Variants in RAPGEF1 observed in about 807,000 individuals in gnomAD.
The protein encoded by RAPGEF1 is CRK SH3-binding GNRP.
Under a neutral mutation model 143.3 loss-of-function variants are expected in RAPGEF1, and 33 were observed. That is an observed-to-expected ratio of 0.23 (90% CI 0.17 to 0.31). The LOEUF (loss-of-function observed/expected upper bound fraction) is 0.31, where lower values mean the gene tolerates loss of function less well. Among genes scored for constraint, RAPGEF1 ranks in the 10% least tolerant of loss-of-function variants. The probability of loss-of-function intolerance (pLI) is 1.00; values close to 1 mark genes in which losing one functional copy is unlikely to be tolerated. For missense variants in RAPGEF1, 1,199 were observed against 1,645.4 expected (o/e 0.73, Z 4.69); for synonymous variants, 629 against 676.5 (o/e 0.93, Z 1.09).
chr9:131,605,946 T>G (rs1055729833), intron 12 of RAPGEF1, among the ~76,000 whole-genome samples: 4 of 151,854 alleles, frequency 2.6e-5, no homozygotes, highest in African/African-American at 7.3e-5. Context: ...TGGTGGTGAG[T>G]GCCTGCAGTT....
At chr9:131,676,239 G>A (rs1004623237) in intron 1 of RAPGEF1, among the ~76,000 whole-genome samples, 6 of 152,172 alleles carry the variant, frequency 3.9e-5, no homozygotes, top group Non-Finnish European at 5.9e-5. Flanking sequence ...ATGGGCAGCC[G>A]CTGGGGGTTC....
rs187328952 is a variant in RAPGEF1, at chr9:131,627,485, C to T, written c.1201+428G>A. ...CTCTAAGCCCCCTGCCCAGCAGACT[C>T]GGAGGGGCCCGCACAGTACACATTC... On this transcript the variant is annotated intron_variant, in intron 9 of 26. Coordinates refer to ENST00000683357, the MANE Select transcript of RAPGEF1 (RefSeq NM_001377935.1). Among the ~76,000 whole-genome samples the T allele has an allele frequency of 2.0e-3, 300 of 152,268 alleles. 2 individuals carry two copies. The highest frequency in any genetic ancestry group is 6.8e-3 in the African/African-American group (283 of 41,560).
intron 1 of RAPGEF1, among the ~76,000 whole-genome samples, chr9:131,659,882 G>A (rs1252185681): frequency 1.3e-5 from 2 of 152,044 alleles, no homozygotes; most frequent in Admixed American, 6.5e-5. Context: ...GCAGTGGCGT[G>A]ATCTCGGCTC....
chr9:131,724,784 C>CA (rs1460768566), intron 1 of RAPGEF1, among the ~76,000 whole-genome samples: 2 of 152,276 alleles, frequency 1.3e-5, no homozygotes, highest in African/African-American at 4.8e-5. Context: ...CAAGGTCCCC[C>CA]CTAAAGATCT....
chr9:131,620,112 G>A (rs1293011686), intron 11 of RAPGEF1, among the ~76,000 whole-genome samples: 2 of 152,168 alleles, frequency 1.3e-5, no homozygotes, highest in Non-Finnish European at 2.9e-5. Flanking sequence ...GGCTGAGCTC[G>A]CCACTGCCCT....
At chr9:131,682,340 C>A (rs1315687887) in intron 1 of RAPGEF1, among the ~76,000 whole-genome samples, 1 of 152,214 alleles carries the variant, frequency 6.6e-6, no homozygotes, top group Non-Finnish European at 1.5e-5. Context: ...CCGTCCCGGG[C>A]CCCGTTCTAA....
Position 131,626,181 on chromosome 9 carries a change from T to C in RAPGEF1, c.1443A>G (p.Ala481=). Reference sequence around the variant, plus strand: ...CAGAGCCGTCCGCCGTCTGGGAGGCTGCGCTCCTGCGCTTCTTCTCGGGGA... The same window carrying C: ...CAGAGCCGTCCGCCGTCTGGGAGGCCGCGCTCCTGCGCTTCTTCTCGGGGA... ...PALPEKKRRS[A]ASQTADGSGC... Residue 481 remains alanine (A), a synonymous_variant, in exon 10 of 27, where the codon GCA becomes GCG. Transcript: ENST00000683357. 1.2e-6 allele frequency: 2 copies of C among 1,613,836 alleles called. No individual in the cohort carries two copies. The highest frequency in any genetic ancestry group is 2.2e-5 in the South Asian group (2 of 91,066).
intron 10 of RAPGEF1, among the ~76,000 whole-genome samples, chr9:131,624,989 G>A (rs111664017): frequency 7.5e-4 from 115 of 152,366 alleles, no homozygotes; most frequent in African/African-American, 2.5e-3. Context: ...ACTGAACCAA[G>A]CCAGGTCTTC....
chr9:131,632,750 T>A (rs1564580348), intron 5 of RAPGEF1, among the ~76,000 whole-genome samples: 1 of 152,228 alleles, frequency 6.6e-6, no homozygotes, highest in African/African-American at 2.4e-5. Flanking sequence ...TGGTTTATAT[T>A]GCACGTTTTG....
rs141389170 is a variant in RAPGEF1, at chr9:131,615,299, T to C, written c.2061+3752A>G. Among the ~76,000 whole-genome samples, 1,414 of 152,286 alleles carry C rather than the reference T, an allele frequency of 9.3e-3. 22 individuals carry two copies. Among genetic ancestry groups the C allele is most frequent in the African/African-American group, 0.029 (1,189 of 41,554 alleles). Reference sequence around the variant, plus strand: ...CCGTCTTAGCCGGGATGGTCTTGATTTCCTGACCTCGTGATCCGCCCACCT... The same window carrying C: ...CCGTCTTAGCCGGGATGGTCTTGATCTCCTGACCTCGTGATCCGCCCACCT... On this transcript the variant is annotated intron_variant, in intron 12 of 26. Coordinates refer to ENST00000683357, the MANE Select transcript of RAPGEF1 (RefSeq NM_001377935.1).
At chr9:131,644,092 G>C (rs1968842923) in intron 3 of RAPGEF1, among the ~76,000 whole-genome samples, 1 of 152,234 alleles carries the variant, frequency 6.6e-6, no homozygotes, top group Non-Finnish European at 1.5e-5. Flanking sequence ...CATGCAGTGG[G>C]CGCTAGCAGC....
At chr9:131,645,795 A>G (rs1377996921) in intron 3 of RAPGEF1, among the ~76,000 whole-genome samples, 1 of 152,202 alleles carries the variant, frequency 6.6e-6, no homozygotes, top group Non-Finnish European at 1.5e-5. Context: ...GATTGCCATC[A>G]TTGGTCCACA....
rs1450098229 is a variant in RAPGEF1, at chr9:131,624,985, C to A, written c.1702+937G>T. Among the ~76,000 whole-genome samples, 30 of 152,264 alleles carry A rather than the reference C, an allele frequency of 2.0e-4. 1 individual carries two copies. The highest frequency in any genetic ancestry group is 9.8e-4 in the Admixed American group (15 of 15,288). ...TCAGGGCGACCCTTGCTGGACTGAA[C>A]CAAGCCAGGTCTTCCCTTCTTTGAG... On this transcript the variant is annotated intron_variant, in intron 10 of 26. Transcript: ENST00000683357.
intron 1 of RAPGEF1, among the ~76,000 whole-genome samples, chr9:131,724,422 T>C (rs752497592): frequency 4.6e-5 from 7 of 152,092 alleles, no homozygotes; most frequent in Non-Finnish European, 8.8e-5. Flanking sequence ...GGTGAAACCC[T>C]GTGTCTACCA....
At chr9:131,709,673 G>T (rs1278900265) in intron 1 of RAPGEF1, 2 of 1,613,962 alleles carry the variant, frequency 1.2e-6, no homozygotes, top group Admixed American at 3.3e-5. Flanking sequence ...TTTTTCAATA[G>T]CATTGCCCAT....
intron 12 of RAPGEF1, among the ~76,000 whole-genome samples, chr9:131,617,190 G>A (rs549945840): frequency 4.6e-5 from 7 of 152,212 alleles, no homozygotes; most frequent in East Asian, 1.9e-4. Context: ...TAAGGGGAAA[G>A]AAAACAAAAA....
chr9:131,702,279 T>A (rs1589051896), intron 1 of RAPGEF1, among the ~76,000 whole-genome samples: 1 of 152,214 alleles, frequency 6.6e-6, no homozygotes, highest in East Asian at 1.9e-4. Context: ...TAATAATCAT[T>A]GCTCTCTGGA....
At chr9:131,661,081 T>C (rs1345716771) in intron 1 of RAPGEF1, among the ~76,000 whole-genome samples, 1 of 151,488 alleles carries the variant, frequency 6.6e-6, no homozygotes, top group Non-Finnish European at 1.5e-5. Context: ...GGGGACTCTC[T>C]ACCCTGCTGA....
rs367956080 is a variant in RAPGEF1, at chr9:131,737,395, CCT to C, written c.61+2373_61+2374del. ...TCCTCATTCCCGCACTCATGACACCCCTCTCTCACCTGTGTCCATGGCAGCAC... is the reference window on the plus strand; with the variant it reads ...TCCTCATTCCCGCACTCATGACACCCCTCTCACCTGTGTCCATGGCAGCAC... On this transcript the variant is annotated intron_variant, in intron 1 of 26. Transcript: ENST00000683357. 1.3e-4 allele frequency: 204 copies of C among 1,613,828 alleles called. 1 individual carries two copies. The African/African-American group carries it at 1.7e-3, about 14-fold the overall frequency.
Sources: gnomAD v4.1 joint callset for allele counts (sites outside exome capture counted in the v4.1 genomes callset) on GRCh38, gnomAD v4.1.1 for gene constraint, MANE v1.5 for transcripts, NCBI Gene and HGNC (gene_info 2026-07-23, HGNC 2026-07-21) for gene names.